The following CNOT6L variants were observed in gnomAD, a reference collection of about 807,000 sequenced individuals.
CNOT6L encodes the protein CCR4-NOT transcription complex subunit 6-like.
A neutral mutation model predicts 64.0 loss-of-function variants in CNOT6L; 7 were observed. The ratio of observed to expected loss-of-function variants is 0.11; its 90% CI spans 0.06 to 0.21. The LOEUF is 0.21. Among genes scored for constraint, CNOT6L ranks in the 10% least tolerant of loss-of-function variants. CNOT6L has a pLI of 1.00. For synonymous variants in CNOT6L, 193 were observed against 243.4 expected, an observed-to-expected ratio of 0.79 and a Z score of 1.93; for missense variants, 245 against 669.0, an observed-to-expected ratio of 0.37 and a Z score of 6.99.
rs1421216573 is a variant in CNOT6L at position 77,718,896 on chromosome 4, G to A, written c.*1535C>T. On this transcript the variant is annotated 3_prime_UTR_variant, in exon 12 of 12. Transcript: ENST00000504123. ...TGACCTATACTTTATATATTAGTGAGACACAAATATAGGCTATTGTCTTTT... is the reference window on the plus strand; with the variant it reads ...TGACCTATACTTTATATATTAGTGAAACACAAATATAGGCTATTGTCTTTT... The A allele has an allele frequency of 6.6e-5, 10 of 152,466 alleles. No individual in the cohort carries two copies. The highest frequency in any genetic ancestry group is 5.9e-4 in the Admixed American group (9 of 15,248). The allele number at this position is 152,466 out of a possible 1,614,324, so 9.4% of individuals were successfully genotyped here.
At chr4:77,772,423 T>C (rs1159182697) in intron 4 of CNOT6L, among the ~76,000 whole-genome samples, 3 of 151,870 alleles carry the variant, frequency 2.0e-5, no homozygotes, top group African/African-American at 7.3e-5. Flanking sequence ...ACAGGGTTTC[T>C]CCATGTTGGT....
intron 5 of CNOT6L, among the ~76,000 whole-genome samples, chr4:77,749,429 T>A (rs1442650628): frequency 1.3e-5 from 2 of 152,106 alleles, no homozygotes; most frequent in Non-Finnish European, 2.9e-5. Flanking sequence ...AAATCTAATA[T>A]AGAAACAGAA....
At chr4:77,793,020 CACA>C (rs1417117309) in intron 1 of CNOT6L, among the ~76,000 whole-genome samples, 1 of 151,112 alleles carries the variant, frequency 6.6e-6, no homozygotes, top group African/African-American at 2.4e-5. Flanking sequence ...GGACAGCCCC[CACA>C]ACAAGAAATA....
chr4:77,769,647 G>T (rs949126996), intron 4 of CNOT6L, among the ~76,000 whole-genome samples: 2 of 151,820 alleles, frequency 1.3e-5, no homozygotes, highest in Non-Finnish European at 2.9e-5. Flanking sequence ...TTTTAAAACA[G>T]GTATTTAAAA....
intron 3 of CNOT6L, among the ~76,000 whole-genome samples, chr4:77,773,591 T>G (rs915718006): frequency 3.3e-5 from 5 of 152,176 alleles, no homozygotes; most frequent in African/African-American, 1.2e-4. Flanking sequence ...TAAACTGTAA[T>G]TAGTAGCCAA....
intron 1 of CNOT6L, among the ~76,000 whole-genome samples, chr4:77,803,616 G>A (rs911554805): frequency 1.3e-5 from 2 of 152,130 alleles, no homozygotes; most frequent in African/African-American, 2.4e-5. Context: ...TAAAAAGCAG[G>A]AGGTAGGGCA....
At chr4:77,744,999 G>T in intron 6 of CNOT6L, 124 bp from the exon 7 acceptor site, 1 of 624,408 alleles carries the variant, frequency 1.6e-6, no homozygotes, top group Non-Finnish European at 2.5e-6. Context: ...ATTGTAAAAT[G>T]CCTAGGCAAG....
At chr4:77,737,564 G>A (rs1258832373) in intron 8 of CNOT6L, among the ~76,000 whole-genome samples, 1 of 151,794 alleles carries the variant, frequency 6.6e-6, no homozygotes, top group Admixed American at 6.6e-5. Flanking sequence ...GGGATTACAG[G>A]CGCCCACCAC....
rs542331649 is a variant in CNOT6L, at chr4:77,726,094, A to C, written c.1455+73T>G. On this transcript the variant is annotated intron_variant, in intron 11 of 11. Transcript: ENST00000504123. ...CTGAAGATTATACAATTAATCATAA[A>C]GAATTTACACCTTTTTTGTTACATG... 4 of 1,315,562 alleles carry C rather than the reference A, an allele frequency of 3.0e-6. No homozygotes were observed. In the East Asian group the frequency reaches 6.9e-5, roughly 23 times the overall value. 81.5% of individuals were successfully genotyped at this position (1,315,562 alleles called of 1,614,324 possible). A position where few individuals can be genotyped will look rare whatever the true frequency, so the allele number is the denominator to read the frequency against.
Position 77,819,324 on chromosome 4 carries a change from CAGA to C in CNOT6L, c.-19_-17del. On this transcript the variant is annotated 5_prime_UTR_variant, in exon 1 of 12. Transcript: ENST00000504123. ...TCTACCTCATTCTCTTCCTCTGGCC[CAGA>C]AGCAACAGCAGCCATTTCCCCGCGG... is the stretch of plus-strand genomic sequence containing the variant. 1 of 1,613,596 alleles carries C rather than the reference CAGA, an allele frequency of 6.2e-7. No individual in the cohort carries two copies. Among genetic ancestry groups the C allele is most frequent in the Non-Finnish European group, 8.5e-7 (1 of 1,179,718 alleles).
At chr4:77,742,707 T>C (rs1171332061) in intron 7 of CNOT6L, among the ~76,000 whole-genome samples, 3 of 152,194 alleles carry the variant, frequency 2.0e-5, no homozygotes, top group African/African-American at 7.2e-5. Flanking sequence ...CCTTCTGAAC[T>C]ATGGTGGAAA....
chr4:77,768,758 C>T (rs1727178063), intron 4 of CNOT6L, among the ~76,000 whole-genome samples: 1 of 151,336 alleles, frequency 6.6e-6, no homozygotes, highest in African/African-American at 2.4e-5. Flanking sequence ...CAGTTAGAAA[C>T]TCATACTCAA....
chr4:77,771,781 C>T (rs576802150), intron 4 of CNOT6L, among the ~76,000 whole-genome samples: 5 of 152,104 alleles, frequency 3.3e-5, no homozygotes, highest in Non-Finnish European at 2.9e-5. Flanking sequence ...ATAACAAAAG[C>T]AAATGCAGGC....
chr4:77,779,274 T>C (rs1412085916), intron 1 of CNOT6L, among the ~76,000 whole-genome samples: 1 of 152,048 alleles, frequency 6.6e-6, no homozygotes, highest in East Asian at 1.9e-4. Flanking sequence ...TTTATAATCC[T>C]AAAATCTGCC....
At chr4:77,774,852 TA>T (rs1282693226) in intron 2 of CNOT6L, 136 bp from the exon 3 acceptor site, 2 of 553,646 alleles carry the variant, frequency 3.6e-6, no homozygotes, top group African/African-American at 3.9e-5. Flanking sequence ...ATTTTTTATT[TA>T]ATGCCATTTG....
chr4:77,744,961 A>G (rs1221226945), intron 6 of CNOT6L, 86 bp from the exon 7 acceptor site: 2 of 1,050,616 alleles, frequency 1.9e-6, no homozygotes, highest in Non-Finnish European at 2.7e-6. Flanking sequence ...CACCTGCACA[A>G]GCACACACAC....
intron 4 of CNOT6L, among the ~76,000 whole-genome samples, chr4:77,764,666 C>T (rs1367719813): frequency 1.3e-5 from 2 of 152,130 alleles, no homozygotes; most frequent in Admixed American, 6.5e-5. Flanking sequence ...AAATCATCTG[C>T]GCACAACAGC....
chr4:77,754,806 G>T (rs987247191), intron 5 of CNOT6L, among the ~76,000 whole-genome samples: 1 of 137,990 alleles, frequency 7.2e-6, no homozygotes, highest in Non-Finnish European at 1.5e-5. Context: ...ATAGTGAAAG[G>T]ACAACCTAAT....
chr4:77,781,136 C>G (rs960784127), intron 1 of CNOT6L, among the ~76,000 whole-genome samples: 2 of 151,952 alleles, frequency 1.3e-5, no homozygotes, highest in African/African-American at 4.8e-5. Flanking sequence ...ACAATGAGAA[C>G]ACATGGACAC....
Sources: gnomAD v4.1 joint callset for allele counts (sites outside exome capture counted in the v4.1 genomes callset) on GRCh38, gnomAD v4.1.1 for gene constraint, MANE v1.5 for transcripts, NCBI Gene and HGNC (gene_info 2026-07-23, HGNC 2026-07-21) for gene names.